The following ARHGAP29 variants were observed in gnomAD, a reference collection of about 807,000 sequenced individuals.
ARHGAP29 encodes the protein Rho GTPase activating protein 29, also known as rho GTPase-activating protein 29.
ARHGAP29 carries 43 observed loss-of-function variants against 122.6 expected under a neutral mutation model. The observed-to-expected ratio is 0.35, with a 90% CI of 0.27 to 0.45. The LOEUF (loss-of-function observed/expected upper bound fraction) is 0.45, where lower values mean the gene tolerates loss of function less well. ARHGAP29 is among the 20% of genes least tolerant of loss of function. The probability of loss-of-function intolerance (pLI) is 1.00; values close to 1 mark genes in which losing one functional copy is unlikely to be tolerated. For synonymous variants in ARHGAP29, 506 were observed against 497.1 expected (o/e 1.02, Z -0.24); for missense variants, 1,303 against 1,477.2 (o/e 0.88, Z 1.93).
chr1:94,288,676 A>G, the ARHGAP29 span, among the ~76,000 whole-genome samples: 2 of 152,174 alleles, frequency 1.3e-5, no homozygotes, highest in Non-Finnish European at 2.9e-5. Flanking sequence ...ATTTTTGTAT[A>G]AGGTGTAAGG....
intron 1 of ARHGAP29, among the ~76,000 whole-genome samples, chr1:94,250,877 G>A (rs1345346685): frequency 6.6e-6 from 1 of 152,082 alleles, no homozygotes; most frequent in Non-Finnish European, 1.5e-5. Flanking sequence ...CTGTGCTTGA[G>A]CCATCACATA....
chr1:94,221,183 TCA>T (rs1428358614), intron 2 of ARHGAP29, among the ~76,000 whole-genome samples: 2 of 152,186 alleles, frequency 1.3e-5, no homozygotes, highest in African/African-American at 4.8e-5. Flanking sequence ...GGGATGCTAC[TCA>T]CAGTCATGCT....
intron 3 of ARHGAP29, among the ~76,000 whole-genome samples, chr1:94,218,971 C>G (rs960608128): frequency 7.2e-5 from 11 of 152,128 alleles, no homozygotes; most frequent in African/African-American, 2.7e-4. Flanking sequence ...CCATCCCCAC[C>G]AAGTCCAGCC....
intron 1 of ARHGAP29, among the ~76,000 whole-genome samples, chr1:94,257,123 G>A (rs951226412): frequency 1.3e-5 from 2 of 152,142 alleles, no homozygotes; most frequent in Admixed American, 1.3e-4. Flanking sequence ...TCTTGGCTGG[G>A]CCGGGCATGG....
chr1:94,267,086 T>A (rs1654800725), intron 1 of ARHGAP29, among the ~76,000 whole-genome samples: 1 of 152,204 alleles, frequency 6.6e-6, no homozygotes, highest in African/African-American at 2.4e-5. Flanking sequence ...ACACTATATC[T>A]CAAGTTGAAA....
chr1:94,201,364 A>C (rs969495790), intron 12 of ARHGAP29, among the ~76,000 whole-genome samples: 2 of 152,196 alleles, frequency 1.3e-5, no homozygotes, highest in Non-Finnish European at 1.5e-5. Context: ...ACATTTCATT[A>C]ATCTCAGAAT....
At chr1:94,217,491 G>A (rs1461050112) in intron 3 of ARHGAP29, among the ~76,000 whole-genome samples, 1 of 147,346 alleles carries the variant, frequency 6.8e-6, no homozygotes, top group Non-Finnish European at 1.5e-5. Flanking sequence ...CCGAGATCAT[G>A]CCACTGCACT....
At chr1:94,294,623 A>T in the ARHGAP29 span, among the ~76,000 whole-genome samples, 2 of 152,156 alleles carry the variant, frequency 1.3e-5, no homozygotes, top group Admixed American at 1.3e-4. Context: ...TTGGAGCAAA[A>T]TTTGGCCCCC....
chr1:94,302,252 A>G, the ARHGAP29 span: 1 of 249,314 alleles, frequency 4.0e-6, no homozygotes, highest in Non-Finnish European at 8.0e-6. Flanking sequence ...ACCATCTTCC[A>G]GGAGGGAGAT....
At chr1:94,210,205 C>A (rs894742817) in intron 3 of ARHGAP29, among the ~76,000 whole-genome samples, 1 of 152,120 alleles carries the variant, frequency 6.6e-6, no homozygotes, top group Non-Finnish European at 1.5e-5. Flanking sequence ...CCCTATATGA[C>A]CCCTCCCTAA....
At chr1:94,281,305 C>G in the ARHGAP29 span, among the ~76,000 whole-genome samples, 1 of 152,152 alleles carries the variant, frequency 6.6e-6, no homozygotes, top group East Asian at 1.9e-4. Flanking sequence ...TCATAATTTT[C>G]TAAGATTACA....
At chr1:94,252,315 T>C (rs1344676966) in intron 1 of ARHGAP29, among the ~76,000 whole-genome samples, 3 of 152,244 alleles carry the variant, frequency 2.0e-5, no homozygotes, top group Non-Finnish European at 2.9e-5. Context: ...TCTGCTAGTT[T>C]AGAGGCCTTA....
At chr1:94,261,144 T>C (rs1654543552) in intron 1 of ARHGAP29, among the ~76,000 whole-genome samples, 1 of 152,186 alleles carries the variant, frequency 6.6e-6, no homozygotes, top group Non-Finnish European at 1.5e-5. Context: ...TACACTCTCC[T>C]CTTAGACATC....
intron 1 of ARHGAP29, among the ~76,000 whole-genome samples, chr1:94,233,202 C>T (rs1653031488): frequency 6.6e-6 from 1 of 152,094 alleles, no homozygotes; most frequent in Non-Finnish European, 1.5e-5. Context: ...ATCCTCCTAC[C>T]TCAGCCTAGC....
the ARHGAP29 span, among the ~76,000 whole-genome samples, chr1:94,284,494 T>A: frequency 1.3e-5 from 2 of 152,226 alleles, no homozygotes; most frequent in Non-Finnish European, 2.9e-5. Context: ...GTCATAGCAC[T>A]GACTTTGGCC....
chr1:94,195,421 G>A (rs1201394258), intron 12 of ARHGAP29: 1 of 152,076 alleles, frequency 6.6e-6, no homozygotes, highest in Non-Finnish European at 1.5e-5. Flanking sequence ...ACATTTAAAA[G>A]TTAGGAATAT....
Position 94,205,196 on chromosome 1 carries a change from T to G in ARHGAP29, c.562A>C (p.Asn188His), listed in dbSNP as rs780539328. ...TTGTCTAGTTCTAAAGGGGAAAAAT[T>G]TCCTGAAAACAAAAATATCAAGGTA... ...ESVDSSSEKG[N>H]FSPLELDNVL... is the part of the protein sequence containing the mutation. Residue 188 changes from asparagine (N) to histidine (H), a missense_variant and splice_region_variant, in exon 7 of 23, where the codon AAT becomes CAT. Around this residue, in one of 3 missense-constraint regions of ARHGAP29, gnomAD observed 592 missense variants for 648.2 expected, o/e 0.91. Transcript: ENST00000260526. The G allele has an allele frequency of 3.8e-6, 6 of 1,575,748 alleles. No homozygotes were observed. The African/African-American group carries it at 8.3e-5, about 22-fold the overall frequency.
chr1:94,287,856 T>C, the ARHGAP29 span, among the ~76,000 whole-genome samples: 2 of 152,204 alleles, frequency 1.3e-5, no homozygotes, highest in Non-Finnish European at 2.9e-5. Context: ...GGCTGCATAG[T>C]ATTCCATGGT....
At chr1:94,225,349 A>C (rs1285317512) in intron 2 of ARHGAP29, among the ~76,000 whole-genome samples, 1 of 152,106 alleles carries the variant, frequency 6.6e-6, no homozygotes, top group Admixed American at 6.5e-5. Flanking sequence ...AACACAATTG[A>C]TAATACCTGT....
Sources: gnomAD v4.1 joint callset for allele counts (sites outside exome capture counted in the v4.1 genomes callset) on GRCh38, gnomAD v4.1.1 for gene constraint, gnomAD v4.1.1 regional missense constraint, MANE v1.5 for transcripts, NCBI Gene and HGNC (gene_info 2026-07-23, HGNC 2026-07-21) for gene names.